Variants in NBPF11 observed in about 807,000 individuals in gnomAD.
NBPF11 encodes the protein NBPF family member NBPF11.
In NBPF11, 72 loss-of-function variants were observed where a neutral mutation model predicts 93.9. The ratio of observed to expected loss-of-function variants is 0.77; its 90% CI spans 0.63 to 0.93. NBPF11 has a LOEUF of 0.93. NBPF11 is among the 40% of genes least tolerant of loss of function. NBPF11 has a pLI of 0.00. For synonymous variants in NBPF11, 224 were observed against 304.9 expected (o/e 0.73, Z 2.76); for missense variants, 705 against 802.2 (o/e 0.88, Z 1.46).
At chr1:148,134,886 C>CA (rs1454906724) in intron 4 of NBPF11, among the ~76,000 whole-genome samples, 1 of 152,006 alleles carries the variant, frequency 6.6e-6, no homozygotes, top group African/African-American at 2.4e-5. Context: ...GTCGGCTGCT[C>CA]ATTTGTCCAG....
chr1:148,106,053 A>T, intron 21 of NBPF11, 128 bp downstream of exon 21: 1 of 546,248 alleles, frequency 1.8e-6, no homozygotes, highest in South Asian at 2.0e-5. Context: ...ACCAACAGCA[A>T]TGTTAGTAGG....
At chr1:148,132,518 T>C (rs1313905118) in intron 4 of NBPF11, among the ~76,000 whole-genome samples, 1 of 150,140 alleles carries the variant, frequency 6.7e-6, no homozygotes, top group Non-Finnish European at 1.5e-5. Context: ...GCTTGAAAAT[T>C]TCTACCAAAA....
intron 2 of NBPF11, among the ~76,000 whole-genome samples, chr1:148,139,869 A>C (rs1671903348): frequency 6.7e-6 from 1 of 148,820 alleles, no homozygotes; most frequent in Non-Finnish European, 1.5e-5. Flanking sequence ...GGTTACTAGA[A>C]GCTGAGGGTA....
At chr1:148,137,341 C>G (rs1220983626) in intron 3 of NBPF11, among the ~76,000 whole-genome samples, 1 of 151,186 alleles carries the variant, frequency 6.6e-6, no homozygotes, top group East Asian at 2.0e-4. Flanking sequence ...TAGACTGTCT[C>G]CCCGCTGACA....
At chr1:148,147,532 T>G (rs1673375746) in intron 1 of NBPF11, among the ~76,000 whole-genome samples, 1 of 151,954 alleles carries the variant, frequency 6.6e-6, no homozygotes, top group Non-Finnish European at 1.5e-5. Context: ...CCCGGGCCAG[T>G]GCTGCTTTGG....
chr1:148,150,152 A>AT (rs1647920436), intron 1 of NBPF11, among the ~76,000 whole-genome samples: 2 of 141,236 alleles, frequency 1.4e-5, no homozygotes, highest in Non-Finnish European at 1.5e-5. Flanking sequence ...CATGACCTGT[A>AT]CTTTTTTTTT....
chr1:148,145,784 C>G (rs1672898934), intron 1 of NBPF11, among the ~76,000 whole-genome samples: 2 of 150,908 alleles, frequency 1.3e-5, no homozygotes, highest in South Asian at 4.2e-4. Flanking sequence ...GGGACTGAGG[C>G]AGGAGCATCA....
intron 6 of NBPF11, 29 bp downstream of exon 6, chr1:148,124,870 G>T (rs782567183): frequency 6.2e-6 from 10 of 1,604,336 alleles, no homozygotes; most frequent in South Asian, 1.1e-5. Context: ...ACACCTACCT[G>T]CCTGTCTCCC....
intron 1 of NBPF11, among the ~76,000 whole-genome samples, chr1:148,148,117 C>T (rs1261150107): frequency 1.1e-4 from 16 of 152,248 alleles, no homozygotes; most frequent in African/African-American, 3.9e-4. Flanking sequence ...GGGAGCAGGC[C>T]GGGGAGGCCG....
chr1:148,122,180 C>T lies in NBPF11; in HGVS notation c.653G>A (p.Cys218Tyr), dbSNP rs1227370650. The change falls in exon 9 of 24, where the codon TGT becomes TAT. Residue 218 changes from cysteine (C) to tyrosine (Y), a missense_variant. Transcript: ENST00000682118. Reference sequence around the variant, plus strand: ...GTTCTTGTGAGGCTGGATGGAGTCACAAGGGCCGTGGCTATTTGAACAAGT... The same window carrying T: ...GTTCTTGTGAGGCTGGATGGAGTCATAAGGGCCGTGGCTATTTGAACAAGT... The part of the protein sequence containing the change: ...AITCSNSHGP[C>Y]DSIQPHKNIK... 3 of 1,612,934 alleles carry T rather than the reference C, an allele frequency of 1.9e-6. No homozygotes were observed. The highest frequency in any genetic ancestry group is 1.1e-5 in the South Asian group (1 of 91,026).
chr1:148,125,647 T>C (rs1157122042), intron 5 of NBPF11, among the ~76,000 whole-genome samples: 1 of 152,064 alleles, frequency 6.6e-6, no homozygotes, highest in African/African-American at 2.4e-5. Context: ...TGTGTTAATT[T>C]AGAAACATCA....
In NBPF11 at chr1:148,131,448, G is replaced by C. The variant is rs1392435082; in HGVS notation, c.-36+4224C>G. ...CAGCACCTAGACCCATTTAGATTAA[G>C]TGAATTTAACTGAGGTTCCAGAGGA... On this transcript the variant is annotated intron_variant, in intron 4 of 23. Transcript: ENST00000682118. Among the ~76,000 whole-genome samples the C allele has an allele frequency of 8.5e-4, 130 of 152,060 alleles. 1 individual carries two copies. Among genetic ancestry groups the C allele is most frequent in the Non-Finnish European group, 1.4e-3 (94 of 68,018 alleles).
intron 1 of NBPF11, chr1:148,146,735 T>C: frequency 2.5e-6 from 4 of 1,612,258 alleles, no homozygotes; most frequent in Non-Finnish European, 3.4e-6. Flanking sequence ...AGGTACACGG[T>C]CCTCTTCTCG....
intron 1 of NBPF11, among the ~76,000 whole-genome samples, chr1:148,144,492 GAGGTCA>G (rs1672680974): frequency 6.6e-6 from 1 of 151,636 alleles, no homozygotes; most frequent in Admixed American, 6.6e-5. Context: ...CATGCCAGGC[GAGGTCA>G]AGTACTGAGA....
rs782547698 is a variant in NBPF11 at position 148,124,895 on chromosome 1, T to A, written c.278+4A>T. The A allele has an allele frequency of 6.2e-7, 1 of 1,608,796 alleles. No individual in the cohort carries two copies. Among genetic ancestry groups the A allele is most frequent in the South Asian group, 1.1e-5 (1 of 90,998 alleles). ...GCCTGTCTCCCCCTACGGGGTCCCCTCACCTGAGCTCCTCAGCTTGCTTGA... is the reference window on the plus strand; with the variant it reads ...GCCTGTCTCCCCCTACGGGGTCCCCACACCTGAGCTCCTCAGCTTGCTTGA... On this transcript the variant is annotated splice_donor_region_variant and intron_variant, in intron 6 of 23. Coordinates refer to ENST00000682118, the MANE Select transcript of NBPF11 (RefSeq NM_001385469.3).
rs200802363 is a variant in NBPF11 at position 148,124,954 on chromosome 1, G to A, written c.223C>T (p.Arg75Ter). Residue 75 changes from arginine (R) to a stop codon, truncating the protein, a stop_gained, in exon 6 of 24, where the codon CGA becomes TGA. Transcript: ENST00000682118. LOFTEE classifies it high-confidence loss of function. ...GCAAGCTTCTCCTCCTTGAACTGTCGCTCATTCCTCAGCATAAATTTTATG... is the reference window on the plus strand; with the variant it reads ...GCAAGCTTCTCCTCCTTGAACTGTCACTCATTCCTCAGCATAAATTTTATG... The part of the protein sequence containing the change: ...DLIKFMLRNE[R>*]QFKEEKLAEQ... The A allele has an allele frequency of 0.075, 120,435 of 1,601,360 alleles. 869 individuals are homozygous for A. Among genetic ancestry groups the A allele is most frequent in the Admixed American group, 0.14 (8,479 of 59,748 alleles).
intron 15 of NBPF11, among the ~76,000 whole-genome samples, chr1:148,111,438 G>A (rs1467432311): frequency 1.3e-5 from 2 of 152,086 alleles, no homozygotes; most frequent in East Asian, 1.9e-4. Context: ...CAGAAAGTCG[G>A]TAATAACAAA....
chr1:148,142,423 G>A (rs1672343612), intron 2 of NBPF11, among the ~76,000 whole-genome samples: 1 of 151,620 alleles, frequency 6.6e-6, no homozygotes, highest in Non-Finnish European at 1.5e-5. Flanking sequence ...CCCAAAGAAT[G>A]AGATGAGACA....
At chr1:148,150,427 ACTT>A (rs1395474643) in intron 1 of NBPF11, among the ~76,000 whole-genome samples, 6 of 151,016 alleles carry the variant, frequency 4.0e-5, no homozygotes, top group South Asian at 2.1e-4. Context: ...AAAATTGTGA[ACTT>A]CTTCTGTATA....
Sources: allele counts gnomAD v4.1 joint callset (sites outside exome capture counted in the v4.1 genomes callset), GRCh38; gene constraint gnomAD v4.1.1; transcripts MANE v1.5; gene names NCBI Gene and HGNC (gene_info 2026-07-23, HGNC 2026-07-21).